MPRIP: variants seen among roughly 807,000 people sequenced by gnomAD.
The protein encoded by MPRIP is myosin phosphatase Rho-interacting protein.
A neutral mutation model predicts 234.9 loss-of-function variants in MPRIP; 59 were observed. That is an observed-to-expected ratio of 0.25 (90% CI 0.20 to 0.31). MPRIP has a LOEUF of 0.31. Among genes scored for constraint, MPRIP ranks in the 10% least tolerant of loss-of-function variants. The probability of loss-of-function intolerance (pLI) is 1.00; values close to 1 mark genes in which losing one functional copy is unlikely to be tolerated. For synonymous variants in MPRIP, 1,144 were observed against 1,263.9 expected (o/e 0.91, Z 2.01); for missense variants, 2,436 against 3,071.0 (o/e 0.79, Z 4.89).
chr17:17,066,342 A>C (rs2089023968), intron 1 of MPRIP, among the ~76,000 whole-genome samples: 2 of 152,206 alleles, frequency 1.3e-5, no homozygotes, highest in South Asian at 4.1e-4. Flanking sequence ...TTTAAAAATA[A>C]TTATGAATGG....
intron 3 of MPRIP, among the ~76,000 whole-genome samples, chr17:17,114,171 C>T (rs780255615): frequency 9.9e-5 from 15 of 152,152 alleles, no homozygotes; most frequent in South Asian, 2.1e-4. Context: ...AGGTGACTTT[C>T]ATTTTCTAAT....
chr17:17,179,756 A>T (rs2046333484), intron 22 of MPRIP, among the ~76,000 whole-genome samples: 1 of 152,216 alleles, frequency 6.6e-6, no homozygotes, highest in African/African-American at 2.4e-5. Flanking sequence ...GGCTACAGTC[A>T]CAGTGCAGGA....
At chr17:17,170,954 T>G (rs1467325102) in intron 16 of MPRIP, 1 of 152,088 alleles carries the variant, frequency 6.6e-6, no homozygotes, top group African/African-American at 2.4e-5. Context: ...GGAAAGCAGG[T>G]CTCCTGTCAT....
intron 3 of MPRIP, among the ~76,000 whole-genome samples, chr17:17,124,876 G>A (rs890881313): frequency 6.6e-6 from 1 of 152,196 alleles, no homozygotes; most frequent in Non-Finnish European, 1.5e-5. Flanking sequence ...TAAAGGGGCT[G>A]GAGCTGGAGA....
Position 17,165,150 on chromosome 17 carries a change from G to A in MPRIP, c.3559G>A (p.Asp1187Asn), listed in dbSNP as rs903753880. ...HEKVLEKKEQ[D>N]LNEALVKMVA... ...GAAGGTTCTGGAGAAGAAGGAGCAGGACCTCAATGAGGCTTTGGTTAAAAT... is the reference window on the plus strand; with the variant it reads ...GAAGGTTCTGGAGAAGAAGGAGCAGAACCTCAATGAGGCTTTGGTTAAAAT... Residue 1187 changes from aspartate to asparagine, a missense_variant, in exon 16 of 24, where the codon GAC (aspartate) becomes AAC (asparagine). Coordinates refer to ENST00000651222, the MANE Select transcript of MPRIP (RefSeq NM_001364716.4). 6.9e-6 allele frequency: 9 copies of A among 1,304,240 alleles called. No individual in the cohort carries two copies. The highest frequency in any genetic ancestry group is 2.3e-5 in the Admixed American group (1 of 43,574). The allele number at this position is 1,304,240 out of a possible 1,614,324, so 80.8% of individuals were successfully genotyped here. A position where few individuals can be genotyped will look rare whatever the true frequency, so the allele number is the denominator to read the frequency against.
chr17:17,137,236 G>A (rs1009474303), intron 6 of MPRIP, among the ~76,000 whole-genome samples: 3 of 152,152 alleles, frequency 2.0e-5, no homozygotes, highest in African/African-American at 7.2e-5. Context: ...TGAAGGGGCC[G>A]GGCATGGTGG....
At position 17,167,933 on chromosome 17, in the gene MPRIP, A is replaced by G; in HGVS notation, c.6324+18A>G. 1 of 1,293,228 alleles carries G rather than the reference A, an allele frequency of 7.7e-7. No homozygotes were observed. Among genetic ancestry groups the G allele is most frequent in the South Asian group, 1.2e-5 (1 of 80,296 alleles). 80.1% of individuals were successfully genotyped at this position (1,293,228 alleles called of 1,614,324 possible). On this transcript the variant is annotated intron_variant, in intron 16 of 23. Transcript: ENST00000651222. The surrounding 1 kb of genome is among the most constrained non-coding windows in gnomAD (Gnocchi z 5.9). ...GCCTTAAGGTCTTAACGCCCCATTCAATTTGCAGAGCAGATCTTCCTTGAT... is the reference window on the plus strand; with the variant it reads ...GCCTTAAGGTCTTAACGCCCCATTCGATTTGCAGAGCAGATCTTCCTTGAT...
chr17:17,163,098 C>T (rs2045907575), intron 15 of MPRIP, among the ~76,000 whole-genome samples: 1 of 152,212 alleles, frequency 6.6e-6, no homozygotes, highest in Admixed American at 6.5e-5. Flanking sequence ...TTAATCACGA[C>T]TCAGAATGAG....
intron 4 of MPRIP, among the ~76,000 whole-genome samples, chr17:17,127,845 G>A (rs1262523819): frequency 6.6e-6 from 1 of 152,218 alleles, no homozygotes; most frequent in Non-Finnish European, 1.5e-5. Flanking sequence ...GGCCAAGCCT[G>A]GTGAGTGAGC....
At chr17:17,090,648 CAGTGTAGAGGTAAAAA>C (rs2089693561) in intron 3 of MPRIP, among the ~76,000 whole-genome samples, 1 of 152,182 alleles carries the variant, frequency 6.6e-6, no homozygotes, top group Non-Finnish European at 1.5e-5. Context: ...CGTCTGTGAT[CAGTGTAGAGGTAAAAA>C]GAAATCACAC....
chr17:17,144,449 C>T (rs2045411858), intron 9 of MPRIP, among the ~76,000 whole-genome samples: 1 of 152,228 alleles, frequency 6.6e-6, no homozygotes, highest in South Asian at 2.1e-4. Context: ...GCGCCTTCCC[C>T]AACAGAGAAC....
chr17:17,071,625 A>G (rs1355371773), intron 1 of MPRIP, among the ~76,000 whole-genome samples: 2 of 152,212 alleles, frequency 1.3e-5, no homozygotes, highest in South Asian at 2.1e-4. Flanking sequence ...AGGCACACCC[A>G]GACCACCAGC....
At chr17:17,083,033 T>C (rs1194117382) in intron 3 of MPRIP, among the ~76,000 whole-genome samples, 1 of 152,182 alleles carries the variant, frequency 6.6e-6, no homozygotes, top group Non-Finnish European at 1.5e-5. Context: ...TGAGGCCACC[T>C]TCTGTGGCAG....
At chr17:17,127,942 C>G (rs2090524972) in intron 4 of MPRIP, among the ~76,000 whole-genome samples, 1 of 152,120 alleles carries the variant, frequency 6.6e-6, no homozygotes, top group Admixed American at 6.5e-5. Flanking sequence ...TGTGCTCTCC[C>G]CTAGAGTCCT....
intron 3 of MPRIP, among the ~76,000 whole-genome samples, chr17:17,103,082 A>G (rs1209720832): frequency 6.6e-6 from 1 of 152,194 alleles, no homozygotes; most frequent in Non-Finnish European, 1.5e-5. Context: ...CTCCATGCCA[A>G]GGCCTTGTCT....
At chr17:17,177,439 G>A in intron 22 of MPRIP, 27 bp downstream of exon 22, 4 of 1,604,958 alleles carry the variant, frequency 2.5e-6, no homozygotes, top group Non-Finnish European at 3.4e-6. Flanking sequence ...TGCCCTCTCG[G>A]TTATTGCTGG....
rs946325536 is a variant in MPRIP, at chr17:17,185,650, G to A, written c.*756G>A. 7.1e-6 allele frequency: 3 copies of A among 420,896 alleles called. No individual in the cohort carries two copies. Among genetic ancestry groups the A allele is most frequent in the Admixed American group, 2.6e-5 (1 of 38,024 alleles). 26.1% of individuals were successfully genotyped at this position (420,896 alleles called of 1,614,324 possible). A position where few individuals can be genotyped will look rare whatever the true frequency, so the allele number is the denominator to read the frequency against. On this transcript the variant is annotated 3_prime_UTR_variant, in exon 24 of 24. Coordinates refer to ENST00000651222, the MANE Select transcript of MPRIP (RefSeq NM_001364716.4). ...AACCCTGGTCTTTTCATAACTGCTC[G>A]AGATTGTTGACCTGCAGCCCAGGTT...
At chr17:17,174,968 G>A (rs1011365916) in intron 19 of MPRIP, among the ~76,000 whole-genome samples, 47 of 152,280 alleles carry the variant, frequency 3.1e-4, no homozygotes, top group African/African-American at 1.1e-3. Context: ...CTGGGGCTGG[G>A]AACATAGTCC....
chr17:17,161,582 C>T (rs2045872082), intron 15 of MPRIP, among the ~76,000 whole-genome samples: 1 of 152,166 alleles, frequency 6.6e-6, no homozygotes, highest in South Asian at 2.1e-4. Flanking sequence ...TCCCTGAAAC[C>T]TCTATATCTA....
Sources: allele counts gnomAD v4.1 joint callset (sites outside exome capture counted in the v4.1 genomes callset), GRCh38; gene constraint gnomAD v4.1.1; non-coding constraint Gnocchi (gnomAD v3.1); transcripts MANE v1.5; gene names NCBI Gene and HGNC (gene_info 2026-07-23, HGNC 2026-07-21).